The following ARSF variants were observed in gnomAD, a reference collection of about 807,000 sequenced individuals.
ARSF encodes arylsulfatase F.
In ARSF, 33 loss-of-function variants were observed where a neutral mutation model predicts 35.4. That is an observed-to-expected ratio of 0.93 (90% CI 0.71 to 1.25). The LOEUF (loss-of-function observed/expected upper bound fraction) is 1.25. Ranked by LOEUF, ARSF falls within the 50% of genes most tolerant of loss-of-function variation. The pLI is 0.00. For synonymous variants in ARSF, 222 were observed against 193.1 expected (o/e 1.15, Z -1.24); for missense variants, 501 against 480.2 (o/e 1.04, Z -0.40).
intron 3 of ARSF, among the ~76,000 whole-genome samples, chrX:3,075,676 A>G (rs1319366470): frequency 1.2e-5 from 1 of 82,856 alleles, no homozygotes; most frequent in Non-Finnish European, 2.4e-5. Context: ...CTGTCTCTCC[A>G]TCTCTTTCTA....
chrX:3,061,437 A>G (rs981030579), intron 1 of ARSF, among the ~76,000 whole-genome samples: 2 of 111,535 alleles, frequency 1.8e-5, no homozygotes, highest in Non-Finnish European at 3.8e-5. Context: ...GACAGGATCA[A>G]ATTCACACCT....
chrX:3,101,273 G>C (rs1319232849), intron 8 of ARSF, 52 bp downstream of exon 8: 1 of 1,158,376 alleles, frequency 8.6e-7, no homozygotes, highest in African/African-American at 1.8e-5. Context: ...GCTTTTTTGT[G>C]GTTCTTATAA....
At chrX:3,080,479 A>AG (rs1489062276) in intron 4 of ARSF, among the ~76,000 whole-genome samples, 2 of 109,852 alleles carry the variant, frequency 1.8e-5, no homozygotes, top group Non-Finnish European at 3.8e-5. Flanking sequence ...TCTCAAAAAA[A>AG]AAAAAAGATC....
intron 1 of ARSF, among the ~76,000 whole-genome samples, chrX:3,064,986 A>G (rs2090057426): frequency 9.0e-6 from 1 of 111,474 alleles, no homozygotes; most frequent in Non-Finnish European, 1.9e-5. Flanking sequence ...TCATGCTGCT[A>G]TCAAGACATA....
intron 7 of ARSF, among the ~76,000 whole-genome samples, chrX:3,099,719 T>G (rs1031949618): frequency 1.8e-5 from 2 of 112,264 alleles, no homozygotes; most frequent in Non-Finnish European, 3.8e-5. Flanking sequence ...TGGGAGATAC[T>G]TTGAGATGAA....
At chrX:3,087,548 A>G (rs1239358105) in intron 6 of ARSF, among the ~76,000 whole-genome samples, 1 of 111,825 alleles carries the variant, frequency 8.9e-6, no homozygotes, top group African/African-American at 3.2e-5. Flanking sequence ...CAGATCCTTA[A>G]TTAATTACCT....
chrX:3,095,311 A>G lies in ARSF; in HGVS notation c.967+5679A>G, dbSNP rs183606550. ...CCTATGTTAAAAACCCTAGAGTTTA[A>G]TAAAACACATATCAGCACATAGATG... On this transcript the variant is annotated intron_variant, in intron 7 of 10. Coordinates refer to ENST00000381127, the MANE Select transcript of ARSF (RefSeq NM_001201539.2). Among the ~76,000 whole-genome samples, 128 of 109,529 alleles carry G rather than the reference A, an allele frequency of 1.2e-3. 1 individual carries two copies. The Middle Eastern group carries it at 0.02, about 17-fold the overall frequency.
At chrX:3,087,981 A>G (rs1176339900) in intron 6 of ARSF, among the ~76,000 whole-genome samples, 1 of 112,241 alleles carries the variant, frequency 8.9e-6, no homozygotes, top group Non-Finnish European at 1.9e-5. Flanking sequence ...TGTTTTTAAA[A>G]TTCATTTTTT....
intron 6 of ARSF, among the ~76,000 whole-genome samples, chrX:3,086,660 A>G (rs992842868): frequency 1.9e-5 from 1 of 53,164 alleles, no homozygotes; most frequent in Non-Finnish European, 3.3e-5. Flanking sequence ...TACAAAAAAT[A>G]CAAAAAAATT....
At chrX:3,051,720 A>T (rs1007867177) in intron 1 of ARSF, among the ~76,000 whole-genome samples, 2 of 111,805 alleles carry the variant, frequency 1.8e-5, no homozygotes, top group African/African-American at 6.5e-5. Context: ...TTGGCCAGGC[A>T]TGGTGGCTCA....
chrX:3,050,971 C>G (rs2089995020), intron 1 of ARSF, among the ~76,000 whole-genome samples: 1 of 111,540 alleles, frequency 9.0e-6, no homozygotes. Flanking sequence ...TTTCTATTTA[C>G]TGGGAGACGG....
intron 3 of ARSF, among the ~76,000 whole-genome samples, chrX:3,072,385 T>A (rs1479199985): frequency 1.8e-5 from 2 of 112,156 alleles, no homozygotes; most frequent in Non-Finnish European, 3.8e-5. Context: ...CTCTTTCAGT[T>A]TTTAAACTTA....
intron 5 of ARSF, among the ~76,000 whole-genome samples, chrX:3,083,627 A>G (rs1603464636): frequency 9.2e-6 from 1 of 109,107 alleles, no homozygotes; most frequent in South Asian, 3.9e-4. Flanking sequence ...TCTTTCTATC[A>G]TCTCTATTTA....
At chrX:3,100,789 G>T (rs1368744917) in intron 7 of ARSF, among the ~76,000 whole-genome samples, 1 of 110,805 alleles carries the variant, frequency 9.0e-6, no homozygotes, top group Non-Finnish European at 1.9e-5. Context: ...TAGAGACAGG[G>T]TTTCATGATC....
intron 3 of ARSF, among the ~76,000 whole-genome samples, chrX:3,075,879 CTCTCTCTCCA>C (rs1341991282): frequency 1.8e-4 from 9 of 49,042 alleles, no homozygotes; most frequent in Non-Finnish European, 3.1e-4. Context: ...CTCTCTTCTT[CTCTCTCTCCA>C]TCTCTCTCTC....
chrX:3,074,348 T>C (rs1475098923), intron 3 of ARSF, among the ~76,000 whole-genome samples: 2 of 111,020 alleles, frequency 1.8e-5, no homozygotes, highest in African/African-American at 6.5e-5. Flanking sequence ...TAAAAGTTGG[T>C]AGGTGACTTC....
At chrX:3,044,854 A>G (rs753047432) in intron 1 of ARSF, among the ~76,000 whole-genome samples, 128 of 109,980 alleles carry the variant, frequency 1.2e-3, no homozygotes, top group African/African-American at 3.9e-3. Flanking sequence ...ATCTGGGCAG[A>G]GAAACGAGGT....
At chrX:3,051,390 G>T (rs1373605544) in intron 1 of ARSF, among the ~76,000 whole-genome samples, 1 of 111,830 alleles carries the variant, frequency 8.9e-6, no homozygotes. Context: ...TCTTAGAATA[G>T]TTTACAGAGT....
intron 9 of ARSF, among the ~76,000 whole-genome samples, chrX:3,107,646 A>G (rs2090419425): frequency 9.0e-6 from 1 of 111,620 alleles, no homozygotes; most frequent in Admixed American, 9.5e-5. Flanking sequence ...CTATAAAGCT[A>G]GAGTAATCAA....
Sources: allele counts gnomAD v4.1 joint callset (sites outside exome capture counted in the v4.1 genomes callset), GRCh38; gene constraint gnomAD v4.1.1; transcripts MANE v1.5; gene names NCBI Gene and HGNC (gene_info 2026-07-23, HGNC 2026-07-21).